ZC3HAV1: variants seen among roughly 807,000 people sequenced by gnomAD.
ZC3HAV1 encodes the protein zinc finger CCCH-type antiviral protein 1.
ZC3HAV1 carries 41 observed loss-of-function variants against 86.6 expected under a neutral mutation model. The ratio of observed to expected loss-of-function variants is 0.47; its 90% confidence interval spans 0.37 to 0.61. ZC3HAV1 has a LOEUF of 0.61. Among genes scored for constraint, ZC3HAV1 ranks in the 20% least tolerant of loss-of-function variants. ZC3HAV1 has a pLI of 0.00. For synonymous variants in ZC3HAV1, 421 were observed against 432.1 expected, an observed-to-expected ratio of 0.97 and a Z score of 0.32; for missense variants, 964 against 1,141.1, an observed-to-expected ratio of 0.84 and a Z score of 2.24.
chr7:139,055,505 G>A (rs985916455), intron 9 of ZC3HAV1, among the ~76,000 whole-genome samples: 6 of 152,186 alleles, frequency 3.9e-5, no homozygotes, highest in Admixed American at 2.0e-4. Flanking sequence ...ATTCATAATC[G>A]GTCAATTAAA....
chr7:139,067,730 C>A (rs1816647626), intron 7 of ZC3HAV1, among the ~76,000 whole-genome samples: 1 of 152,068 alleles, frequency 6.6e-6, no homozygotes, highest in Admixed American at 6.6e-5. Flanking sequence ...TACAAAAAGA[C>A]CAACAGGAGA....
chr7:139,087,365 G>A (rs1387378263), intron 2 of ZC3HAV1, among the ~76,000 whole-genome samples: 1 of 152,016 alleles, frequency 6.6e-6, no homozygotes, highest in Non-Finnish European at 1.5e-5. Context: ...AAATGAGACA[G>A]AGAGAGACAG....
chr7:139,086,976 T>C (rs1817288186), intron 2 of ZC3HAV1, among the ~76,000 whole-genome samples: 1 of 152,152 alleles, frequency 6.6e-6, no homozygotes, highest in African/African-American at 2.4e-5. Flanking sequence ...TGCATGAAAA[T>C]GGACTAATAC....
chr7:139,102,315 G>A lies in ZC3HAV1; in HGVS notation c.308+6709C>T, dbSNP rs544211225. On this transcript the variant is annotated intron_variant, in intron 1 of 12. Transcript: ENST00000242351. ...TGTCCAACTAATTTTATTTTTTAAT[G>A]TTTTTGTAGGAGCTATGTTGCCCGG... Among the ~76,000 whole-genome samples the A allele has an allele frequency of 7.2e-4, 109 of 152,102 alleles. 1 individual carries two copies. The highest frequency in any genetic ancestry group is 3.4e-3 in the Middle Eastern group (1 of 294).
chr7:139,059,291 A>G (rs1305986774), intron 9 of ZC3HAV1, among the ~76,000 whole-genome samples: 1 of 152,172 alleles, frequency 6.6e-6, no homozygotes, highest in East Asian at 1.9e-4. Context: ...ACCCTGAAAT[A>G]TTCTTTTTAC....
chr7:139,060,741 T>G, intron 9 of ZC3HAV1: 1 of 1,241,072 alleles, frequency 8.1e-7, no homozygotes, highest in Non-Finnish European at 1.0e-6. Context: ...ATTCCTTAGG[T>G]GTACTGCATC....
intron 9 of ZC3HAV1, among the ~76,000 whole-genome samples, chr7:139,058,787 G>T (rs1816363722): frequency 6.6e-6 from 1 of 152,150 alleles, no homozygotes; most frequent in African/African-American, 2.4e-5. Context: ...GGAAGTTCTT[G>T]AGATCGACAA....
chr7:139,096,955 C>T (rs1472184772), intron 1 of ZC3HAV1, among the ~76,000 whole-genome samples: 1 of 104,744 alleles, frequency 9.5e-6, no homozygotes, highest in Non-Finnish European at 1.9e-5. Flanking sequence ...CAACATGTCT[C>T]TATTGAAAAT....
intron 12 of ZC3HAV1, among the ~76,000 whole-genome samples, chr7:139,052,287 T>A (rs1298344620): frequency 7.1e-5 from 6 of 84,384 alleles, no homozygotes; most frequent in Non-Finnish European, 1.1e-4. Flanking sequence ...CCCACCCCCC[T>A]CCCCTCTGGT....
In ZC3HAV1 at chr7:139,109,649, T is replaced by C; in HGVS notation, c.-318A>G. 1 of 279,346 alleles carries C rather than the reference T, an allele frequency of 3.6e-6. No individual in the cohort carries two copies. The highest frequency in any genetic ancestry group is 2.2e-5 in the African/African-American group (1 of 45,476). 17.3% of individuals were successfully genotyped at this position (279,346 alleles called of 1,614,324 possible). ...GCCTGGGGTGGCCCCCTCTCGGTTC[T>C]AGGCTCGGCGAGGGTGAGGTTCTCC... On this transcript the variant is annotated 5_prime_UTR_variant, in exon 1 of 13. Coordinates refer to ENST00000242351, the MANE Select transcript of ZC3HAV1 (RefSeq NM_020119.4).
chr7:139,054,192 C>T (rs1563123575), intron 10 of ZC3HAV1, 97 bp from the exon 11 acceptor site: 14 of 1,265,614 alleles, frequency 1.1e-5, no homozygotes, highest in Non-Finnish European at 1.5e-5. Flanking sequence ...GTATTGTTAC[C>T]AGGGTTCTTT....
chr7:139,097,412 A>ATTTTTTTTT (rs1387959860), intron 1 of ZC3HAV1, among the ~76,000 whole-genome samples: 3 of 74,338 alleles, frequency 4.0e-5, no homozygotes, highest in Non-Finnish European at 7.1e-5. Context: ...ATATATATAT[A>ATTTTTTTTT]TATATATATA....
chr7:139,097,428 A>ATATATATATATATTTTTTTTTTTTTT, intron 1 of ZC3HAV1, among the ~76,000 whole-genome samples: 1 of 48,158 alleles, frequency 2.1e-5, no homozygotes, highest in African/African-American at 1.1e-4. Context: ...ATATATATAT[A>ATATATATATATATTTTTTTTTTTTTT]TTTTTTTTTT....
Position 139,085,296 on chromosome 7 carries a change from G to C in ZC3HAV1, c.445-1264C>G, listed in dbSNP as rs148304121. Among the ~76,000 whole-genome samples the C allele has an allele frequency of 1.6e-4, 25 of 152,308 alleles. 1 individual carries two copies. In the East Asian group the frequency reaches 4.6e-3, roughly 28 times the overall value. ...TTGGTAACATTCCTATTCCCACGCC[G>C]ATATTAAGCAAGAATGCTCCTGCCT... On this transcript the variant is annotated intron_variant, in intron 2 of 12. Coordinates refer to ENST00000242351, the MANE Select transcript of ZC3HAV1 (RefSeq NM_020119.4).
At chr7:139,061,227 G>T in intron 8 of ZC3HAV1, 89 bp from the exon 9 acceptor site, 2 of 1,281,188 alleles carry the variant, frequency 1.6e-6, no homozygotes, top group South Asian at 1.3e-5. Context: ...CTATTTACAC[G>T]GCAAATATTC....
chr7:139,097,428 A>ATATT, intron 1 of ZC3HAV1, among the ~76,000 whole-genome samples: 19 of 48,152 alleles, frequency 3.9e-4, no homozygotes, highest in African/African-American at 1.3e-3. Context: ...ATATATATAT[A>ATATT]TTTTTTTTTT....
At chr7:139,097,114 G>C (rs1374524157) in intron 1 of ZC3HAV1, among the ~76,000 whole-genome samples, 2 of 151,088 alleles carry the variant, frequency 1.3e-5, no homozygotes, top group Non-Finnish European at 2.9e-5. Context: ...CTCCGGCCTG[G>C]GTGAGAGAGG....
At chr7:139,055,976 A>G (rs1816269453) in intron 9 of ZC3HAV1, among the ~76,000 whole-genome samples, 2 of 152,218 alleles carry the variant, frequency 1.3e-5, no homozygotes, top group African/African-American at 4.8e-5. Context: ...CTCCATCACT[A>G]AAAATAGGAC....
At position 139,047,711 on chromosome 7, in the gene ZC3HAV1, G is replaced by A. The variant is rs3735008; in HGVS notation, c.2592C>T (p.Phe864=). The A allele has an allele frequency of 0.47, 764,338 of 1,612,974 alleles. 183,688 individuals are homozygous for A. The highest frequency in any genetic ancestry group is 0.5 in the Middle Eastern group (3,051 of 6,058). The change falls in exon 13 of 13, where the codon TTC becomes TTT. Residue 864 remains phenylalanine, a synonymous_variant. Coordinates refer to ENST00000242351, the MANE Select transcript of ZC3HAV1 (RefSeq NM_020119.4). The part of the protein sequence containing the change: ...NITYTSPPPQ[F]DSCVDTRSNP... ...TCGATCTGGTATCCACACAGCTGTC[G>A]AACTGTGGAGGAGGGCTCGTGTACG...
Sources: allele counts gnomAD v4.1 joint callset (sites outside exome capture counted in the v4.1 genomes callset), GRCh38; gene constraint gnomAD v4.1.1; transcripts MANE v1.5; gene names NCBI Gene and HGNC (gene_info 2026-07-23, HGNC 2026-07-21).